Variants in DGKB observed in about 807,000 individuals in gnomAD.
DGKB encodes 90 kDa diacylglycerol kinase.
DGKB carries 67 observed loss-of-function variants against 114.3 expected under a neutral mutation model. The observed-to-expected ratio is 0.59, with a 90% CI of 0.48 to 0.72. The LOEUF (loss-of-function observed/expected upper bound fraction) is 0.72. Among genes scored for constraint, DGKB ranks in the 30% least tolerant of loss-of-function variants. The probability of loss-of-function intolerance (pLI) is 0.00; values close to 1 mark genes in which losing one functional copy is unlikely to be tolerated. For missense variants in DGKB, 907 were observed against 975.2 expected (o/e 0.93, Z 0.93); for synonymous variants, 398 against 323.1 (o/e 1.23, Z -2.49).
chr7:14,293,079 C>T (rs1802010326), intron 23 of DGKB, among the ~76,000 whole-genome samples: 1 of 152,066 alleles, frequency 6.6e-6, no homozygotes, highest in South Asian at 2.1e-4. Context: ...CCTTTGAGTA[C>T]ATGTATAAAA....
intron 3 of DGKB, among the ~76,000 whole-genome samples, chr7:14,755,235 A>T (rs917095772): frequency 2.6e-5 from 4 of 152,234 alleles, no homozygotes; most frequent in African/African-American, 9.6e-5. Context: ...CACATATTAT[A>T]CTTAATATTT....
intron 23 of DGKB, among the ~76,000 whole-genome samples, chr7:14,333,532 G>A (rs1466983021): frequency 1.3e-5 from 2 of 151,160 alleles, no homozygotes; most frequent in Non-Finnish European, 2.9e-5. Context: ...ATTGCAATGC[G>A]ATAGTATCTT....
chr7:14,202,623 C>T (rs928252860), intron 23 of DGKB, among the ~76,000 whole-genome samples: 1 of 151,714 alleles, frequency 6.6e-6, no homozygotes, highest in African/African-American at 2.4e-5. Context: ...AAATCTGTAA[C>T]AATATAAAAA....
chr7:14,290,276 CAT>C (rs1801555873), intron 23 of DGKB, among the ~76,000 whole-genome samples: 1 of 151,940 alleles, frequency 6.6e-6, no homozygotes, highest in East Asian at 1.9e-4. Context: ...TGATGAAAGA[CAT>C]ATAATTGAAT....
At chr7:14,489,987 A>G (rs1037494965) in intron 20 of DGKB, among the ~76,000 whole-genome samples, 2 of 152,166 alleles carry the variant, frequency 1.3e-5, no homozygotes, top group Admixed American at 6.6e-5. Context: ...TTTCACGGCA[A>G]AAGTCTGAAA....
At chr7:14,717,491 T>C (rs78100837) in intron 6 of DGKB, among the ~76,000 whole-genome samples, 3,530 of 152,174 alleles carry the variant, frequency 0.023, 134 homozygotes, top group African/African-American at 0.081. Flanking sequence ...TTATGAATAA[T>C]AAATATATAT....
intron 2 of DGKB, among the ~76,000 whole-genome samples, chr7:14,810,632 T>A (rs1073758): frequency 0.23 from 34,391 of 152,080 alleles, 4,858 homozygotes; most frequent in Non-Finnish European, 0.32. Flanking sequence ...TCTCACACTG[T>A]CATGCAGCCT....
chr7:14,736,376 A>G (rs917514383), intron 4 of DGKB, among the ~76,000 whole-genome samples, 182 bp from the exon 5 acceptor site: 5 of 152,170 alleles, frequency 3.3e-5, no homozygotes, highest in African/African-American at 7.2e-5. Flanking sequence ...TGGCAATGGG[A>G]TATGTTTGTC....
chr7:14,867,670 T>C (rs1851881969), intron 1 of DGKB, among the ~76,000 whole-genome samples: 1 of 152,194 alleles, frequency 6.6e-6, no homozygotes, highest in African/African-American at 2.4e-5. Context: ...AATTAACTCA[T>C]ATAAATATCC....
intron 12 of DGKB, among the ~76,000 whole-genome samples, chr7:14,675,536 T>A (rs946539050): frequency 1.1e-4 from 17 of 152,010 alleles, no homozygotes; most frequent in African/African-American, 3.9e-4. Flanking sequence ...CTCTGTATAT[T>A]GGGATTTGGG....
At chr7:14,417,268 A>G (rs1187762222) in intron 21 of DGKB, among the ~76,000 whole-genome samples, 1 of 152,046 alleles carries the variant, frequency 6.6e-6, no homozygotes, top group Non-Finnish European at 1.5e-5. Context: ...GATTTAGTGT[A>G]AACTTGTTCT....
At chr7:14,955,569 A>T (rs1786455104) in intron 1 of DGKB, among the ~76,000 whole-genome samples, 1 of 152,082 alleles carries the variant, frequency 6.6e-6, no homozygotes, top group Non-Finnish European at 1.5e-5. Flanking sequence ...AACTAACAGC[A>T]TTGATGTAAA....
At chr7:14,671,713 C>T (rs979104167) in intron 13 of DGKB, among the ~76,000 whole-genome samples, 7 of 152,060 alleles carry the variant, frequency 4.6e-5, no homozygotes, top group Non-Finnish European at 1.0e-4. Context: ...TCATAGATCT[C>T]ATCTTAGAGT....
At chr7:14,621,537 T>C (rs757541395) in intron 14 of DGKB, 43 bp from the exon 15 acceptor site, 2 of 1,173,308 alleles carry the variant, frequency 1.7e-6, no homozygotes, top group South Asian at 1.4e-5. Context: ...ATTAGGAAAA[T>C]AACATAATAA....
intron 21 of DGKB, among the ~76,000 whole-genome samples, chr7:14,361,467 T>C (rs1815725962): frequency 6.6e-6 from 1 of 152,044 alleles, no homozygotes; most frequent in Non-Finnish European, 1.5e-5. Context: ...GATTTACATC[T>C]TGAGGGACTC....
chr7:14,791,503 G>T (rs1840659937), intron 2 of DGKB, among the ~76,000 whole-genome samples: 1 of 149,232 alleles, frequency 6.7e-6, no homozygotes, highest in African/African-American at 2.5e-5. Flanking sequence ...CCCAATGTTT[G>T]CAGAAAAGCC....
intron 21 of DGKB, among the ~76,000 whole-genome samples, chr7:14,360,187 A>T (rs1356634319): frequency 6.6e-6 from 1 of 152,100 alleles, no homozygotes; most frequent in Admixed American, 6.5e-5. Flanking sequence ...GCTGGAAACC[A>T]TCATTCTCAG....
At chr7:14,589,777 T>C (rs1361769748) in intron 17 of DGKB, among the ~76,000 whole-genome samples, 1 of 152,108 alleles carries the variant, frequency 6.6e-6, no homozygotes, top group Non-Finnish European at 1.5e-5. Context: ...ATTTTTAAGA[T>C]AATTGAGTTT....
intron 23 of DGKB, among the ~76,000 whole-genome samples, chr7:14,304,087 A>ACACACACTCT (rs140836395): frequency 0.028 from 3,093 of 109,974 alleles, 92 homozygotes; most frequent in African/African-American, 0.071. Context: ...ACACACACAC[A>ACACACACTCT]CTCTCTCTCT....
Sources: gnomAD v4.1 joint callset for allele counts (sites outside exome capture counted in the v4.1 genomes callset) on GRCh38, gnomAD v4.1.1 for gene constraint, MANE v1.5 for transcripts, NCBI Gene and HGNC (gene_info 2026-07-23, HGNC 2026-07-21) for gene names.